Variants in PRKCH observed in about 807,000 individuals in gnomAD.
The protein encoded by PRKCH is protein kinase C eta, also known as protein kinase C eta type.
In PRKCH, 28 loss-of-function variants were observed where a neutral mutation model predicts 82.5. The observed-to-expected ratio is 0.34, with a 90% CI of 0.25 to 0.47. The LOEUF is 0.47. Ranked by LOEUF, PRKCH falls within the 20% of genes least tolerant of loss-of-function variation. The pLI is 1.00. For synonymous variants in PRKCH, 322 were observed against 327.4 expected, an observed-to-expected ratio of 0.98 and a Z score of 0.18; for missense variants, 705 against 881.8, an observed-to-expected ratio of 0.80 and a Z score of 2.54.
intron 1 of PRKCH, among the ~76,000 whole-genome samples, chr14:61,262,219 T>TAA (rs1297799647): frequency 1.9e-5 from 2 of 106,606 alleles, no homozygotes; most frequent in East Asian, 2.8e-4. Flanking sequence ...AGACTCTGTA[T>TAA]AAAAAAAAAA....
intron 1 of PRKCH, among the ~76,000 whole-genome samples, chr14:61,339,773 T>C (rs990907793): frequency 8.9e-6 from 1 of 112,708 alleles, no homozygotes; most frequent in Non-Finnish European, 1.8e-5. Flanking sequence ...CCTTAACTCC[T>C]AGGCTCAAGC....
At chr14:61,454,531 G>A (rs769178256) in intron 7 of PRKCH, among the ~76,000 whole-genome samples, 12 of 152,208 alleles carry the variant, frequency 7.9e-5, no homozygotes, top group East Asian at 1.9e-4. Context: ...GGGCGTCAGC[G>A]TCCTCACCTC....
intron 1 of PRKCH, among the ~76,000 whole-genome samples, chr14:61,235,492 G>A (rs376814329): frequency 1.6e-4 from 25 of 152,130 alleles, no homozygotes; most frequent in East Asian, 1.5e-3. Context: ...TGAGCTGTGC[G>A]GGCTCAGGCA....
At chr14:61,264,688 G>A (rs543839102) in intron 1 of PRKCH, among the ~76,000 whole-genome samples, 18 of 152,290 alleles carry the variant, frequency 1.2e-4, no homozygotes, top group African/African-American at 3.9e-4. Flanking sequence ...GAGCAACACA[G>A]GCAGAAGAAA....
At chr14:61,459,085 T>C (rs1207311223) in intron 9 of PRKCH, among the ~76,000 whole-genome samples, 3 of 152,094 alleles carry the variant, frequency 2.0e-5, no homozygotes, top group African/African-American at 7.2e-5. Context: ...AGGCTCAAAA[T>C]TGGGCTTTTG....
chr14:61,455,522 G>T (rs1884725947), intron 7 of PRKCH, among the ~76,000 whole-genome samples: 1 of 152,182 alleles, frequency 6.6e-6, no homozygotes, highest in South Asian at 2.1e-4. Context: ...TGTCTGTCTT[G>T]TGGGTAGGCG....
At chr14:61,366,555 A>G (rs995929439) in intron 1 of PRKCH, among the ~76,000 whole-genome samples, 1 of 152,086 alleles carries the variant, frequency 6.6e-6, no homozygotes, top group African/African-American at 2.4e-5. Flanking sequence ...ACCCAGCCTG[A>G]CACTCAGCAT....
chr14:61,438,422 TTC>T (rs959014068), intron 2 of PRKCH, among the ~76,000 whole-genome samples: 1 of 152,230 alleles, frequency 6.6e-6, no homozygotes, highest in Non-Finnish European at 1.5e-5. Context: ...GCCAGAAATT[TTC>T]TCTGATTTAA....
At chr14:61,274,592 A>G (rs1046895248) in intron 1 of PRKCH, among the ~76,000 whole-genome samples, 2 of 152,232 alleles carry the variant, frequency 1.3e-5, no homozygotes, top group Non-Finnish European at 2.9e-5. Flanking sequence ...GGATCTGATA[A>G]CTAGGTTGAT....
intron 1 of PRKCH, among the ~76,000 whole-genome samples, chr14:61,271,937 G>A (rs992745301): frequency 6.6e-6 from 1 of 152,198 alleles, no homozygotes; most frequent in Non-Finnish European, 1.5e-5. Flanking sequence ...GTTTAAAGAT[G>A]ACATGGGGCC....
At chr14:61,415,631 G>A (rs544729068) in intron 2 of PRKCH, among the ~76,000 whole-genome samples, 5 of 152,192 alleles carry the variant, frequency 3.3e-5, no homozygotes, top group African/African-American at 9.6e-5. Flanking sequence ...ATATTTGTCT[G>A]GTTCCATATC....
intron 9 of PRKCH, among the ~76,000 whole-genome samples, chr14:61,479,532 CTTAG>C (rs1885875877): frequency 1.3e-5 from 2 of 152,144 alleles, no homozygotes; most frequent in African/African-American, 4.8e-5. Context: ...AGTCACTTTC[CTTAG>C]TTAGTATCAT....
chr14:61,416,226 T>G (rs1456419690), intron 2 of PRKCH, among the ~76,000 whole-genome samples: 2 of 151,892 alleles, frequency 1.3e-5, no homozygotes, highest in Non-Finnish European at 2.9e-5. Flanking sequence ...CAGCTAATTT[T>G]TGTATTTTTT....
chr14:61,244,849 T>C lies in PRKCH; in HGVS notation c.-19+57181T>C, dbSNP rs142249232. On this transcript the variant is annotated intron_variant, in intron 1 of 3. Coordinates refer to the PRKCH transcript ENST00000555185. ...AACAAGAAGAAACTTGTGAATGTTCTATAAAACCTGCTACTGACATCAGGG... is the reference window on the plus strand; with the variant it reads ...AACAAGAAGAAACTTGTGAATGTTCCATAAAACCTGCTACTGACATCAGGG... 2.5e-4 allele frequency among the ~76,000 whole-genome samples: 38 copies of C among 152,374 alleles called. 1 individual carries two copies. The East Asian group carries it at 7.3e-3, about 29-fold the overall frequency.
At chr14:61,470,506 A>G (rs3783786) in intron 9 of PRKCH, among the ~76,000 whole-genome samples, 38,410 of 151,924 alleles carry the variant, frequency 0.25, 5,373 homozygotes, top group East Asian at 0.53. Flanking sequence ...CCGTAAGCTA[A>G]TAGTTTGGCT....
At chr14:61,285,349 G>A (rs1186257601) in intron 1 of PRKCH, among the ~76,000 whole-genome samples, 2 of 152,152 alleles carry the variant, frequency 1.3e-5, no homozygotes, top group Non-Finnish European at 2.9e-5. Flanking sequence ...GAATAGTATT[G>A]GATAGGGGAA....
In PRKCH at chr14:61,550,061, T is replaced by C. The variant is rs1483044804; in HGVS notation, c.*230T>C. 2.1e-6 allele frequency: 1 copy of C among 473,398 alleles called. No individual in the cohort carries two copies. The highest frequency in any genetic ancestry group is 1.9e-5 in the African/African-American group (1 of 52,094). The allele number at this position is 473,398 out of a possible 1,614,324, so 29.3% of individuals were successfully genotyped here. A position where few individuals can be genotyped will look rare whatever the true frequency, so the allele number is the denominator to read the frequency against. On this transcript the variant is annotated 3_prime_UTR_variant, in exon 14 of 14. Transcript: ENST00000332981. ...TAATGAAATGAGATTTTATGAAGTA[T>C]ACCGCTCCACCTATGAGCGTCTGTC...
intron 1 of PRKCH, among the ~76,000 whole-genome samples, chr14:61,211,750 C>T (rs958986295): frequency 6.6e-6 from 1 of 152,144 alleles, no homozygotes; most frequent in South Asian, 2.1e-4. Flanking sequence ...GTGCACCATG[C>T]ATTTAATATC....
intron 1 of PRKCH, among the ~76,000 whole-genome samples, chr14:61,387,867 G>T (rs8014794): frequency 6.3e-4 from 96 of 152,242 alleles, no homozygotes; most frequent in Non-Finnish European, 1.1e-3. Context: ...CCTATTGTCC[G>T]CTGGGTGTGG....
Sources: allele counts gnomAD v4.1 joint callset (sites outside exome capture counted in the v4.1 genomes callset), GRCh38; gene constraint gnomAD v4.1.1; transcripts MANE v1.5; gene names NCBI Gene and HGNC (gene_info 2026-07-23, HGNC 2026-07-21).